Variants in BCAS3 observed in about 807,000 individuals in gnomAD.
BCAS3 encodes the protein BCAS3 microtubule associated cell migration factor.
In BCAS3, 53 loss-of-function variants were observed where a neutral mutation model predicts 116.1. That is an observed-to-expected ratio of 0.46 (90% CI 0.37 to 0.57). The LOEUF (loss-of-function observed/expected upper bound fraction) is 0.57. Among genes scored for constraint, BCAS3 ranks in the 20% least tolerant of loss-of-function variants. The pLI, the probability that BCAS3 is intolerant of heterozygous loss-of-function variation, is 0.00. For synonymous variants in BCAS3, 391 were observed against 408.2 expected, an observed-to-expected ratio of 0.96 and a Z score of 0.51; for missense variants, 917 against 1,165.4, an observed-to-expected ratio of 0.79 and a Z score of 3.10.
chr17:60,916,220 A>G (rs1473818956), intron 12 of BCAS3, among the ~76,000 whole-genome samples: 1 of 152,174 alleles, frequency 6.6e-6, no homozygotes, highest in Non-Finnish European at 1.5e-5. Context: ...ATGTGCAACT[A>G]TTTTCCAAAG....
intron 5 of BCAS3, among the ~76,000 whole-genome samples, chr17:60,728,327 A>G (rs1321792705): frequency 2.0e-5 from 3 of 152,096 alleles, no homozygotes; most frequent in African/African-American, 7.2e-5. Context: ...CATGGTAGGT[A>G]GCCATTTCAG....
At chr17:60,751,968 A>C (rs2042511252) in intron 6 of BCAS3, among the ~76,000 whole-genome samples, 1 of 152,256 alleles carries the variant, frequency 6.6e-6, no homozygotes, top group Non-Finnish European at 1.5e-5. Flanking sequence ...TAGCAAAGGT[A>C]AATCTGACTG....
intron 5 of BCAS3, among the ~76,000 whole-genome samples, chr17:60,729,315 CTT>C (rs560082947): frequency 8.2e-4 from 89 of 109,010 alleles, no homozygotes; most frequent in African/African-American, 2.4e-3. Flanking sequence ...TATGTGGACT[CTT>C]TTTTTTTTTT....
rs2072775855 is a variant in BCAS3 at position 61,083,152 on chromosome 17, G to GTA, written c.2328-1310_2328-1309dup. 6.6e-6 allele frequency among the ~76,000 whole-genome samples: 1 copy of GTA among 152,116 alleles called. No individual in the cohort carries two copies. Among genetic ancestry groups the GTA allele is most frequent in the African/African-American group, 2.4e-5 (1 of 41,418 alleles). ...CATTTCTTGCTCCTCTTCATTATGC[G>GTA]TATATACTATTACTATATACAGACC... On this transcript the variant is annotated intron_variant, in intron 21 of 23. Coordinates refer to ENST00000407086, the MANE Select transcript of BCAS3 (RefSeq NM_017679.5). This position sits in a 1 kb window ranked among gnomAD's most constrained non-coding sequence, Gnocchi z 4.9.
At position 61,366,576 on chromosome 17, in the gene BCAS3, C is replaced by T. The variant is rs1400704606; in HGVS notation, c.2426-1751C>T. Among the ~76,000 whole-genome samples the T allele has an allele frequency of 6.6e-6, 1 of 152,210 alleles. No individual in the cohort carries two copies. Among genetic ancestry groups the T allele is most frequent in the Non-Finnish European group, 1.5e-5 (1 of 68,050 alleles). On this transcript the variant is annotated intron_variant, in intron 22 of 23. Transcript: ENST00000407086. The surrounding 1 kb of genome is among the most constrained non-coding windows in gnomAD (Gnocchi z 4.5). ...ACAGTTCAGGCCTTGGGAGAATTAT[C>T]TGACACCCAGCCGTGCACCCCCATT...
intron 22 of BCAS3, among the ~76,000 whole-genome samples, chr17:61,152,926 A>C (rs1265846308): frequency 1.3e-5 from 2 of 152,180 alleles, no homozygotes; most frequent in Admixed American, 1.3e-4. Flanking sequence ...TACTGCCTGA[A>C]CTGGGATATA....
chr17:60,741,119 G>T (rs2041504796), intron 5 of BCAS3, among the ~76,000 whole-genome samples: 1 of 152,166 alleles, frequency 6.6e-6, no homozygotes, highest in Admixed American at 6.5e-5. Flanking sequence ...TCTCGCTTGT[G>T]GATTTCTGCC....
At position 61,078,452 on chromosome 17, in the gene BCAS3, G is replaced by A; in HGVS notation, c.2250G>A (p.Leu750=). 6.2e-7 allele frequency: 1 copy of A among 1,614,142 alleles called. No individual in the cohort carries two copies. The part of the protein sequence containing the change: ...TTVISSSSSV[L]QSHGPSDTPQ... ...TTATCTCATCCAGTTCATCTGTGTTGCAGTCTCATGGTCCGAGTGACACGC... is the reference window on the plus strand; with the variant it reads ...TTATCTCATCCAGTTCATCTGTGTTACAGTCTCATGGTCCGAGTGACACGC... Residue 750 remains leucine (L), a synonymous_variant, in exon 21 of 24, where the codon TTG becomes TTA. Coordinates refer to ENST00000407086, the MANE Select transcript of BCAS3 (RefSeq NM_017679.5).
rs1425520921 is a variant in BCAS3 at position 61,198,228 on chromosome 17, C to T, written c.2425+113664C>T. 6.6e-6 allele frequency among the ~76,000 whole-genome samples: 1 copy of T among 151,790 alleles called. No homozygotes were observed. Among genetic ancestry groups the T allele is most frequent in the Non-Finnish European group, 1.5e-5 (1 of 68,008 alleles). ...CAATCTCAGCTTACTGCAAGCTCCA[C>T]CTCCCAGGTTCATGCCATTCTCCTG... is the stretch of plus-strand genomic sequence containing the variant. On this transcript the variant is annotated intron_variant, in intron 22 of 23. Coordinates refer to ENST00000407086, the MANE Select transcript of BCAS3 (RefSeq NM_017679.5). This position sits in a 1 kb window ranked among gnomAD's most constrained non-coding sequence, Gnocchi z 5.0.
intron 6 of BCAS3, among the ~76,000 whole-genome samples, chr17:60,794,369 C>T (rs930531478): frequency 6.6e-6 from 1 of 151,952 alleles, no homozygotes; most frequent in Non-Finnish European, 1.5e-5. Flanking sequence ...ATTTGCTTTT[C>T]TGACTGTTCC....
chr17:60,831,249 T>C (rs2050895930), intron 7 of BCAS3, among the ~76,000 whole-genome samples: 2 of 152,178 alleles, frequency 1.3e-5, no homozygotes, highest in Admixed American at 1.3e-4. Flanking sequence ...CGGTCTCGGC[T>C]TACTGCAACC....
chr17:61,281,123 A>G lies in BCAS3; in HGVS notation c.2426-87204A>G, dbSNP rs1327652231. Among the ~76,000 whole-genome samples the G allele has an allele frequency of 6.6e-6, 1 of 150,596 alleles. No individual in the cohort carries two copies. Among genetic ancestry groups the G allele is most frequent in the Non-Finnish European group, 1.5e-5 (1 of 67,376 alleles). On this transcript the variant is annotated intron_variant, in intron 22 of 23. Transcript: ENST00000407086. The surrounding 1 kb of genome is among the most constrained non-coding windows in gnomAD (Gnocchi z 4.2). ...CTTTGCATCGAAAAAATACACTACT[A>G]TGCACACTCTTTCCATATATCAATA... is the stretch of plus-strand genomic sequence containing the variant.
At chr17:60,697,907 C>T (rs1399529256) in intron 4 of BCAS3, among the ~76,000 whole-genome samples, 1 of 152,026 alleles carries the variant, frequency 6.6e-6, no homozygotes, top group Non-Finnish European at 1.5e-5. Flanking sequence ...AGGCCGGGTA[C>T]GATGGCTCAC....
At chr17:60,823,180 A>G (rs2050104979) in intron 7 of BCAS3, among the ~76,000 whole-genome samples, 2 of 152,152 alleles carry the variant, frequency 1.3e-5, no homozygotes, top group South Asian at 2.1e-4. Context: ...TAGTGGGTAG[A>G]TGTGGTAGTA....
intron 22 of BCAS3, among the ~76,000 whole-genome samples, chr17:61,177,967 C>G (rs2079245092): frequency 6.6e-6 from 1 of 152,106 alleles, no homozygotes. Flanking sequence ...ACTATAGCTA[C>G]TAAATGGGTA....
At chr17:61,047,367 G>A (rs892227839) in intron 19 of BCAS3, among the ~76,000 whole-genome samples, 2 of 151,956 alleles carry the variant, frequency 1.3e-5, no homozygotes, top group Admixed American at 1.3e-4. Flanking sequence ...TTTTTTAAAA[G>A]TCTGATATTT....
intron 4 of BCAS3, among the ~76,000 whole-genome samples, chr17:60,694,015 A>G (rs1842012797): frequency 6.7e-6 from 1 of 149,258 alleles, no homozygotes; most frequent in African/African-American, 2.5e-5. Context: ...CCTCTCGAGT[A>G]GCTGGGACTA....
At position 61,302,676 on chromosome 17, in the gene BCAS3, AATTC is replaced by A. The variant is rs1012782527; in HGVS notation, c.2426-65648_2426-65645del. Reference sequence around the variant, plus strand: ...ACATTGATGAGTGACAGAATTCTAGAATTCATATTTTTTTTTCAGCTTTGAAAGA... The same window carrying A: ...ACATTGATGAGTGACAGAATTCTAGAATATTTTTTTTTCAGCTTTGAAAGA... On this transcript the variant is annotated intron_variant, in intron 22 of 23. Coordinates refer to ENST00000407086, the MANE Select transcript of BCAS3 (RefSeq NM_017679.5). The surrounding 1 kb of genome is among the most constrained non-coding windows in gnomAD (Gnocchi z 4.4). Among the ~76,000 whole-genome samples, 47 of 152,176 alleles carry A rather than the reference AATTC, an allele frequency of 3.1e-4. No homozygotes were observed. The highest frequency in any genetic ancestry group is 1.1e-3 in the African/African-American group (47 of 41,444).
intron 14 of BCAS3, among the ~76,000 whole-genome samples, chr17:60,969,984 G>A (rs1403948269): frequency 1.3e-5 from 2 of 152,132 alleles, no homozygotes; most frequent in Admixed American, 6.5e-5. Context: ...CATCCACACT[G>A]TAAATTATGC....
Sources: gnomAD v4.1 joint callset for allele counts (sites outside exome capture counted in the v4.1 genomes callset) on GRCh38, gnomAD v4.1.1 for gene constraint, Gnocchi (gnomAD v3.1) non-coding constraint, MANE v1.5 for transcripts, NCBI Gene and HGNC (gene_info 2026-07-23, HGNC 2026-07-21) for gene names.